The following KCNT1 variants were observed in gnomAD, a reference collection of about 807,000 sequenced individuals.
KCNT1 encodes the protein potassium channel subfamily T member 1.
In KCNT1, 78 loss-of-function variants were observed where a neutral mutation model predicts 147.8. The ratio of observed to expected loss-of-function variants is 0.53; its 90% CI spans 0.44 to 0.64. The LOEUF (loss-of-function observed/expected upper bound fraction) is 0.64, where lower values mean the gene tolerates loss of function less well. Ranked by LOEUF, KCNT1 falls within the 30% of genes least tolerant of loss-of-function variation. The pLI is 0.00. For synonymous variants in KCNT1, 867 were observed against 748.8 expected (o/e 1.16, Z -2.58); for missense variants, 1,419 against 1,750.3 (o/e 0.81, Z 3.38).
rs1831211305 is a variant in KCNT1, at chr9:135,752,119, G to T, written c.434+1078G>T. The T allele has an allele frequency of 3.2e-6, 1 of 314,916 alleles. No homozygotes were observed. Among genetic ancestry groups the T allele is most frequent in the African/African-American group, 2.2e-5 (1 of 45,860 alleles). 19.5% of individuals were successfully genotyped at this position (314,916 alleles called of 1,614,324 possible). ...AGGCGCTGAGGGGCTCTGCAGCCAC[G>T]TGTGTGGTGTGGTTGTCACCATCCA... On this transcript the variant is annotated intron_variant, in intron 4 of 30. Coordinates refer to ENST00000371757, the MANE Select transcript of KCNT1 (RefSeq NM_020822.3). The surrounding 1 kb of genome is among the most constrained non-coding windows in gnomAD (Gnocchi z 5.1).
At chr9:135,724,706 T>C (rs1836060584) in intron 2 of KCNT1, among the ~76,000 whole-genome samples, 1 of 152,260 alleles carries the variant, frequency 6.6e-6, no homozygotes, top group Non-Finnish European at 1.5e-5. Context: ...TTATTTTCCA[T>C]CTGACATTGA....
In KCNT1 at chr9:135,769,870, A is replaced by G. The variant is rs1237971527; in HGVS notation, c.1511-77A>G. On this transcript the variant is annotated intron_variant, in intron 15 of 30. Transcript: ENST00000371757. The stretch of plus-strand genomic sequence containing the variant: ...AAGGGTGCATCTGCATAGCACCTTC[A>G]GGAAGTGAGCAGGTACTGTGGGGGA... The G allele has an allele frequency of 3.8e-6, 4 of 1,065,498 alleles. No homozygotes were observed. The East Asian group carries it at 7.8e-5, about 21-fold the overall frequency. The allele number at this position is 1,065,498 out of a possible 1,614,324, so 66.0% of individuals were successfully genotyped here. A position where few individuals can be genotyped will look rare whatever the true frequency, so the allele number is the denominator to read the frequency against.
intron 1 of KCNT1, among the ~76,000 whole-genome samples, chr9:135,711,290 C>T (rs865911090): frequency 3.8e-4 from 58 of 152,262 alleles, no homozygotes; most frequent in African/African-American, 1.1e-3. Flanking sequence ...CCATGGCCAC[C>T]GGGAACAGAT....
At chr9:135,791,992 G>GGAGACACA in intron 30 of KCNT1, 49 bp from the exon 31 acceptor site, 1 of 1,603,622 alleles carries the variant, frequency 6.2e-7, no homozygotes, top group Non-Finnish European at 8.5e-7. Context: ...GGCTGAGCAG[G>GGAGACACA]GGCTGCCCGG....
intron 13 of KCNT1, among the ~76,000 whole-genome samples, chr9:135,766,449 G>T (rs190568389): frequency 1.3e-5 from 2 of 152,156 alleles, no homozygotes; most frequent in African/African-American, 4.8e-5. Context: ...GGTCCTCTGG[G>T]GTAGATCATC....
chr9:135,769,891 G>T, intron 15 of KCNT1, 56 bp from the exon 16 acceptor site: 1 of 1,293,062 alleles, frequency 7.7e-7, no homozygotes. Flanking sequence ...AGGTACTGTG[G>T]GGGAGGAGAG....
intron 9 of KCNT1, 26 bp from the exon 10 acceptor site, chr9:135,758,388 G>T (rs368730961): frequency 1.9e-6 from 3 of 1,580,298 alleles, no homozygotes; most frequent in Non-Finnish European, 2.6e-6. Flanking sequence ...GTCCCTGCCC[G>T]CTGACAGCCA....
In KCNT1 at chr9:135,782,195, C is replaced by T. The variant is rs139252068; in HGVS notation, c.2842-1829C>T. ...CTCCAGGCTGGGCGACAGAGCGAGA[C>T]CCTGTCTCAAAAAAAACCAAGCAAA... On this transcript the variant is annotated intron_variant, in intron 24 of 30. Coordinates refer to ENST00000371757, the MANE Select transcript of KCNT1 (RefSeq NM_020822.3). Among the ~76,000 whole-genome samples, 539 of 152,158 alleles carry T rather than the reference C, an allele frequency of 3.5e-3. 6 individuals are homozygous for T. Among genetic ancestry groups the T allele is most frequent in the African/African-American group, 0.012 (512 of 41,450 alleles).
At position 135,730,994 on chromosome 9, in the gene KCNT1, A is replaced by G. The variant is rs931036000; in HGVS notation, c.254+16274A>G. ...AAGTGAGATCCCGTCTCAAGGTAAA[A>G]AAAAAAAAAAAAAAAAAAAGTGTGG... On this transcript the variant is annotated intron_variant, in intron 2 of 30. Coordinates refer to ENST00000371757, the MANE Select transcript of KCNT1 (RefSeq NM_020822.3). The surrounding 1 kb of genome is among the most constrained non-coding windows in gnomAD (Gnocchi z 4.7). Among the ~76,000 whole-genome samples the G allele has an allele frequency of 1.3e-4, 19 of 149,250 alleles. No homozygotes were observed. The highest frequency in any genetic ancestry group is 7.8e-4 in the East Asian group (4 of 5,136).
In KCNT1 at chr9:135,785,273, G is replaced by A. The variant is rs576921811; in HGVS notation, c.3157-37G>A. 1.9e-4 allele frequency: 313 copies of A among 1,611,410 alleles called. 1 individual carries two copies. The East Asian group carries it at 2.6e-3, about 14-fold the overall frequency. On this transcript the variant is annotated intron_variant, in intron 27 of 30. Transcript: ENST00000371757. Reference sequence around the variant, plus strand: ...GAGGCGGCGTGGGGGGCAGGGGTGCGCCCACAGGTCCCAGACTGCGCCTGT... The same window carrying A: ...GAGGCGGCGTGGGGGGCAGGGGTGCACCCACAGGTCCCAGACTGCGCCTGT...
chr9:135,758,345 G>A, intron 9 of KCNT1, 69 bp from the exon 10 acceptor site: 2 of 1,190,254 alleles, frequency 1.7e-6, no homozygotes, highest in Non-Finnish European at 1.2e-6. Flanking sequence ...TGTCCTTCTA[G>A]TCTCTATTCA....
chr9:135,779,942 C>T (rs1443575478), intron 24 of KCNT1, among the ~76,000 whole-genome samples: 4 of 152,268 alleles, frequency 2.6e-5, no homozygotes, highest in Non-Finnish European at 5.9e-5. Flanking sequence ...TTCAGTATAA[C>T]CACTGCCTCC....
At chr9:135,712,484 A>G (rs1835542803) in intron 1 of KCNT1, among the ~76,000 whole-genome samples, 2 of 152,056 alleles carry the variant, frequency 1.3e-5, no homozygotes, top group South Asian at 4.1e-4. Context: ...GTGTCTGGCT[A>G]TGCCAGGGTT....
At chr9:135,716,924 T>G (rs1159121093) in intron 2 of KCNT1, among the ~76,000 whole-genome samples, 2 of 152,210 alleles carry the variant, frequency 1.3e-5, no homozygotes, top group Non-Finnish European at 2.9e-5. Context: ...TGTGGCGCTG[T>G]CCCTCAAGAT....
chr9:135,729,197 A>C (rs900106711), intron 2 of KCNT1, among the ~76,000 whole-genome samples: 7 of 152,258 alleles, frequency 4.6e-5, no homozygotes, highest in Non-Finnish European at 1.0e-4. Flanking sequence ...GTCTACTCAC[A>C]CGTGCCCTCT....
chr9:135,785,648 C>T, intron 28 of KCNT1: 2 of 559,042 alleles, frequency 3.6e-6, no homozygotes, highest in Non-Finnish European at 6.4e-6. Context: ...GCCTGACCAG[C>T]CCCCAGCCTC....
At position 135,792,118 on chromosome 9, in the gene KCNT1, TGTC is replaced by T. The variant is rs770254225; in HGVS notation, c.3669_3671del (p.Ser1224del). 5.0e-6 allele frequency: 8 copies of T among 1,605,958 alleles called. No individual in the cohort carries two copies. Among genetic ancestry groups the T allele is most frequent in the South Asian group, 4.4e-5 (4 of 90,830 alleles). On this transcript the variant is annotated inframe_deletion, in exon 31 of 31. Coordinates refer to ENST00000371757, the MANE Select transcript of KCNT1 (RefSeq NM_020822.3). The stretch of plus-strand genomic sequence containing the variant: ...CGGAAGAGCAGCTGCAGCCACAAGC[TGTC>T]GTCCTGCAACCCCGAGACTCGCGAC...
At chr9:135,742,809 T>G in intron 2 of KCNT1, 1 of 717,208 alleles carries the variant, frequency 1.4e-6, no homozygotes, top group Non-Finnish European at 2.6e-6. Flanking sequence ...CTCCTCCCTG[T>G]CTCAGTAAGT....
chr9:135,782,883 G>A (rs745538226), intron 24 of KCNT1, among the ~76,000 whole-genome samples: 35 of 152,240 alleles, frequency 2.3e-4, no homozygotes, highest in Non-Finnish European at 3.4e-4. Context: ...AACGCCGCAC[G>A]AAACTAATTC....
Sources: allele counts gnomAD v4.1 joint callset (sites outside exome capture counted in the v4.1 genomes callset), GRCh38; gene constraint gnomAD v4.1.1; non-coding constraint Gnocchi (gnomAD v3.1); transcripts MANE v1.5; gene names NCBI Gene and HGNC (gene_info 2026-07-23, HGNC 2026-07-21).